The following HERPUD2 variants were observed in gnomAD, a reference collection of about 807,000 sequenced individuals.
The protein encoded by HERPUD2 is HERPUD family member 2, also known as homocysteine-responsive endoplasmic reticulum-resident ubiquitin-like domain member 2 protein.
HERPUD2 carries 13 observed loss-of-function variants against 49.9 expected under a neutral mutation model. That is an observed-to-expected ratio of 0.26 (90% CI 0.17 to 0.41). The LOEUF (loss-of-function observed/expected upper bound fraction) is 0.41, where lower values mean the gene tolerates loss of function less well. Among genes scored for constraint, HERPUD2 ranks in the 10% least tolerant of loss-of-function variants. The pLI is 1.00. For missense variants in HERPUD2, 449 were observed against 492.2 expected (o/e 0.91, Z 0.83); for synonymous variants, 172 against 171.4 (o/e 1.00, Z -0.03).
chr7:35,673,292 C>T lies in HERPUD2; in HGVS notation c.148-14G>A. Reference sequence around the variant, plus strand: ...ATCCTTCGTCAACTAAGAAATGGGACAAAGAAAAGAATTCAACTTTTCTAA... The same window carrying T: ...ATCCTTCGTCAACTAAGAAATGGGATAAAGAAAAGAATTCAACTTTTCTAA... On this transcript the variant is annotated splice_polypyrimidine_tract_variant and intron_variant, in intron 2 of 8. Coordinates refer to ENST00000311350, the MANE Select transcript of HERPUD2 (RefSeq NM_022373.5). 1.3e-6 allele frequency: 2 copies of T among 1,592,410 alleles called. No homozygotes were observed. Among genetic ancestry groups the T allele is most frequent in the Non-Finnish European group, 8.6e-7 (1 of 1,166,140 alleles).
chr7:35,665,365 GA>G (rs1420849215), intron 5 of HERPUD2, among the ~76,000 whole-genome samples: 2 of 152,362 alleles, frequency 1.3e-5, no homozygotes, highest in South Asian at 4.1e-4. Flanking sequence ...TTTGATCTCA[GA>G]CTGCTGTGCT....
At chr7:35,635,930 T>A (rs1651071922) in intron 6 of HERPUD2, among the ~76,000 whole-genome samples, 1 of 152,218 alleles carries the variant, frequency 6.6e-6, no homozygotes, top group Non-Finnish European at 1.5e-5. Context: ...TGATAAATGA[T>A]TTGTATTAGT....
intron 5 of HERPUD2, among the ~76,000 whole-genome samples, chr7:35,642,103 TAAAC>T (rs1369272793): frequency 6.6e-6 from 1 of 151,992 alleles, no homozygotes; most frequent in Non-Finnish European, 1.5e-5. Flanking sequence ...ATAAAGAACT[TAAAC>T]AATTTTAAAA....
intron 4 of HERPUD2, among the ~76,000 whole-genome samples, chr7:35,668,285 G>A (rs909075170): frequency 1.3e-5 from 2 of 152,098 alleles, no homozygotes; most frequent in African/African-American, 4.8e-5. Flanking sequence ...TGAACTACGA[G>A]AATCAAGATG....
Position 35,633,021 on chromosome 7 carries a change from T to A in HERPUD2, c.*669A>T, listed in dbSNP as rs1165161174. 1 of 151,936 alleles carries A rather than the reference T, an allele frequency of 6.6e-6. No individual in the cohort carries two copies. The highest frequency in any genetic ancestry group is 1.5e-5 in the Non-Finnish European group (1 of 67,976). 9.4% of individuals were successfully genotyped at this position (151,936 alleles called of 1,614,324 possible). On this transcript the variant is annotated 3_prime_UTR_variant, in exon 9 of 9. Coordinates refer to ENST00000311350, the MANE Select transcript of HERPUD2 (RefSeq NM_022373.5). ...CAGATATATCTATTCAAATTAAACA[T>A]TAAAGGGCCAGGCTACTAGCTATAG...
intron 5 of HERPUD2, among the ~76,000 whole-genome samples, chr7:35,642,144 C>G (rs1259315836): frequency 1.3e-5 from 2 of 151,824 alleles, no homozygotes; most frequent in Non-Finnish European, 2.9e-5. Flanking sequence ...AAAAAGTGGG[C>G]AAAGGACATG....
chr7:35,669,219 C>T (rs1429969337), intron 4 of HERPUD2, among the ~76,000 whole-genome samples: 1 of 152,120 alleles, frequency 6.6e-6, no homozygotes, highest in South Asian at 2.1e-4. Context: ...GGTGTTTTGA[C>T]AAGGCATATT....
chr7:35,682,217 G>A lies in HERPUD2; in HGVS notation c.148-8939C>T, dbSNP rs1583568250. Among the ~76,000 whole-genome samples the A allele has an allele frequency of 2.2e-5, 3 of 136,388 alleles. No homozygotes were observed. In the South Asian group the frequency reaches 7.1e-4, roughly 32 times the overall value. The allele number at this position is 136,388 out of a possible 152,430, so 89.5% of individuals were successfully genotyped here. A position where few individuals can be genotyped will look rare whatever the true frequency, so the allele number is the denominator to read the frequency against. ...TCACGCCTGGCTAATTTTTGTGTGTGTGTGTGTATATATAGATATATACAC... is the reference window on the plus strand; with the variant it reads ...TCACGCCTGGCTAATTTTTGTGTGTATGTGTGTATATATAGATATATACAC... On this transcript the variant is annotated intron_variant, in intron 2 of 8. Coordinates refer to ENST00000311350, the MANE Select transcript of HERPUD2 (RefSeq NM_022373.5).
At position 35,694,332 on chromosome 7, in the gene HERPUD2, G is replaced by C. The variant is rs148379908; in HGVS notation, c.-2C>G. 29 of 1,614,016 alleles carry C rather than the reference G, an allele frequency of 1.8e-5. No individual in the cohort carries two copies. The highest frequency in any genetic ancestry group is 2.5e-5 in the Non-Finnish European group (29 of 1,180,006). ...AATCTCCATCCCACTTTGGTCCATG[G>C]TGCCCCCAAAGTCAGACAGAGTCCA... On this transcript the variant is annotated 5_prime_UTR_variant, in exon 2 of 9. Coordinates refer to ENST00000311350, the MANE Select transcript of HERPUD2 (RefSeq NM_022373.5).
intron 5 of HERPUD2, among the ~76,000 whole-genome samples, chr7:35,654,702 A>G (rs1785237327): frequency 6.7e-6 from 1 of 149,038 alleles, no homozygotes; most frequent in Admixed American, 6.7e-5. Context: ...TAAAGACAGA[A>G]TCATGCTCTG....
In HERPUD2 at chr7:35,684,402, G is replaced by GAA. The variant is rs199736364; in HGVS notation, c.147+9780_147+9781dup. 2.3e-3 allele frequency among the ~76,000 whole-genome samples: 294 copies of GAA among 128,730 alleles called. 2 individuals carry two copies. Among genetic ancestry groups the GAA allele is most frequent in the African/African-American group, 8.0e-3 (280 of 35,112 alleles). 84.5% of individuals were successfully genotyped at this position (128,730 alleles called of 152,430 possible). A position where few individuals can be genotyped will look rare whatever the true frequency, so the allele number is the denominator to read the frequency against. ...AAGACTCCACCTCAAAAAAGAAAAAGAAAAAAAAAAAAGATACTTGCACAA... is the reference window on the plus strand; with the variant it reads ...AAGACTCCACCTCAAAAAAGAAAAAGAAAAAAAAAAAAAAGATACTTGCACAA... On this transcript the variant is annotated intron_variant, in intron 2 of 8. Transcript: ENST00000311350.
At chr7:35,643,118 T>C (rs10260422) in intron 5 of HERPUD2, among the ~76,000 whole-genome samples, 3,304 of 152,274 alleles carry the variant, frequency 0.022, 121 homozygotes, top group African/African-American at 0.074. Flanking sequence ...CCTCTAATAA[T>C]AGAGAGAAAC....
chr7:35,673,050 T>C (rs907836900), intron 3 of HERPUD2, 151 bp downstream of exon 3: 41 of 572,596 alleles, frequency 7.2e-5, no homozygotes, highest in Non-Finnish European at 1.1e-4. Flanking sequence ...GAAACTATCA[T>C]GTTACTTTCT....
In HERPUD2 at chr7:35,673,255, C is replaced by T; in HGVS notation, c.171G>A (p.Val57=). Residue 57 remains valine (V), a synonymous_variant, in exon 3 of 9, where the codon GTG becomes GTA. Coordinates refer to ENST00000311350, the MANE Select transcript of HERPUD2 (RefSeq NM_022373.5). Reference sequence around the variant, plus strand: ...GATCGGGAAGCAGTCTGCCCGAATACACCAATCTCTGATCCTTCGTCAACT... The same window carrying T: ...GATCGGGAAGCAGTCTGCCCGAATATACCAATCTCTGATCCTTCGTCAACT... ...SKPLTKDQRL[V]YSGRLLPDHL... 1 of 1,611,132 alleles carries T rather than the reference C, an allele frequency of 6.2e-7. No individual in the cohort carries two copies. Among genetic ancestry groups the T allele is most frequent in the Non-Finnish European group, 8.5e-7 (1 of 1,178,486 alleles).
intron 5 of HERPUD2, among the ~76,000 whole-genome samples, chr7:35,661,441 T>C (rs1040552348): frequency 3.7e-4 from 56 of 152,322 alleles, no homozygotes; most frequent in South Asian, 1.2e-3. Flanking sequence ...GGGGATGGCA[T>C]TGAATCTATG....
In HERPUD2 at chr7:35,667,524, C is replaced by T; in HGVS notation, c.404G>A (p.Gly135Asp). Residue 135 changes from glycine (G) to aspartate (D), a missense_variant, in exon 5 of 9, where the codon GGT becomes GAT. By Grantham distance (94) the Gly-to-Asp change is moderately conservative. Transcript: ENST00000311350. ...SGQETLSLAVGSSSEGLRQRT... is the reference protein window; with the variant it reads ...SGQETLSLAVDSSSEGLRQRT... ...CTGCCTCAATCCTTCTGAGGAAGAA[C>T]CCACAGCTAAAGACAAGGTTTCTTG... 5.0e-6 allele frequency: 8 copies of T among 1,613,634 alleles called. No homozygotes were observed. Among genetic ancestry groups the T allele is most frequent in the East Asian group, 2.2e-5 (1 of 44,870 alleles).
intron 3 of HERPUD2, among the ~76,000 whole-genome samples, chr7:35,672,580 T>C (rs978873619): frequency 6.6e-6 from 1 of 152,108 alleles, no homozygotes; most frequent in Non-Finnish European, 1.5e-5. Context: ...AGAAATTCAA[T>C]TCTGCTATAC....
chr7:35,662,495 G>A (rs778559015), intron 5 of HERPUD2, among the ~76,000 whole-genome samples: 2 of 152,142 alleles, frequency 1.3e-5, no homozygotes, highest in African/African-American at 2.4e-5. Flanking sequence ...CTGTGAATCC[G>A]TCTGGTCTTG....
intron 2 of HERPUD2, among the ~76,000 whole-genome samples, chr7:35,680,526 T>A (rs1785858837): frequency 6.6e-6 from 1 of 152,220 alleles, no homozygotes; most frequent in Admixed American, 6.5e-5. Context: ...CATGGCCAGA[T>A]CTGGCTTCTG....
Sources: allele counts gnomAD v4.1 joint callset (sites outside exome capture counted in the v4.1 genomes callset), GRCh38; gene constraint gnomAD v4.1.1; transcripts MANE v1.5; gene names NCBI Gene and HGNC (gene_info 2026-07-23, HGNC 2026-07-21).